Variants in BCO1 observed in about 807,000 individuals in gnomAD.
BCO1 encodes beta-carotene oxygenase 1, also known as beta,beta-carotene 15,15'-dioxygenase.
BCO1 carries 54 observed loss-of-function variants against 56.3 expected under a neutral mutation model. The observed-to-expected ratio is 0.96, with a 90% CI of 0.77 to 1.20. BCO1 has a LOEUF of 1.20. Ranked by LOEUF, BCO1 falls within the 50% of genes most tolerant of loss-of-function variation. BCO1 has a pLI of 0.00. For synonymous variants in BCO1, 318 were observed against 266.1 expected (o/e 1.20, Z -1.90); for missense variants, 801 against 690.9 (o/e 1.16, Z -1.79).
At chr16:81,244,673 G>C (rs1422089708) in intron 1 of BCO1, among the ~76,000 whole-genome samples, 6 of 147,886 alleles carry the variant, frequency 4.1e-5, no homozygotes. Flanking sequence ...GGGCTGTTCT[G>C]TTTCACAAAG....
chr16:81,274,861 C>A (rs1170655583), intron 7 of BCO1, among the ~76,000 whole-genome samples: 1 of 151,514 alleles, frequency 6.6e-6, no homozygotes, highest in Non-Finnish European at 1.5e-5. Context: ...CTGATCCCGC[C>A]ACTGCACTCC....
At chr16:81,283,059 C>A (rs1158218631) in intron 8 of BCO1, among the ~76,000 whole-genome samples, 1 of 152,166 alleles carries the variant, frequency 6.6e-6, no homozygotes, top group Admixed American at 6.6e-5. Context: ...GGTTCTGACC[C>A]CAGCAGTCTC....
chr16:81,253,866 G>A (rs1347849316), intron 2 of BCO1, among the ~76,000 whole-genome samples: 9 of 152,148 alleles, frequency 5.9e-5, no homozygotes, highest in African/African-American at 1.2e-4. Context: ...GGGAAACTGA[G>A]GTGGGAGGAT....
At chr16:81,243,074 G>A (rs1451626684) in intron 1 of BCO1, among the ~76,000 whole-genome samples, 2 of 152,296 alleles carry the variant, frequency 1.3e-5, no homozygotes, top group East Asian at 3.9e-4. Context: ...GTGCCTGCCA[G>A]GGGCTGGGGT....
rs77746469 is a variant in BCO1, at chr16:81,274,011, G to C, written c.1101+3595G>C. Among the ~76,000 whole-genome samples the C allele has an allele frequency of 4.4e-3, 670 of 152,260 alleles. 4 individuals are homozygous for C. Among genetic ancestry groups the C allele is most frequent in the African/African-American group, 0.016 (649 of 41,542 alleles). The stretch of plus-strand genomic sequence containing the variant: ...TGAAATCAGCACATGAGCCCTGGGC[G>C]CCTGCACCCCTTGCTCCAGAAGCAC... On this transcript the variant is annotated intron_variant, in intron 7 of 10. Transcript: ENST00000258168.
chr16:81,270,122 A>G (rs1907091506), intron 6 of BCO1, 37 bp from the exon 7 acceptor site: 2 of 1,613,176 alleles, frequency 1.2e-6, no homozygotes, highest in African/African-American at 2.7e-5. Flanking sequence ...AGGCTGAGAG[A>G]GGGTGAGCTG....
chr16:81,288,534 G>C (rs1210583850), intron 10 of BCO1, among the ~76,000 whole-genome samples: 6 of 152,130 alleles, frequency 3.9e-5, no homozygotes, highest in Non-Finnish European at 8.8e-5. Flanking sequence ...CAAAGTGCTG[G>C]GATTACAGGT....
intron 10 of BCO1, among the ~76,000 whole-genome samples, chr16:81,289,957 A>G (rs1908372455): frequency 6.6e-6 from 1 of 152,220 alleles, no homozygotes; most frequent in South Asian, 2.1e-4. Context: ...CTCCACTCCC[A>G]GGTTCAAGTA....
intron 7 of BCO1, among the ~76,000 whole-genome samples, chr16:81,271,192 G>A (rs1907194181): frequency 6.6e-6 from 1 of 151,786 alleles, no homozygotes; most frequent in South Asian, 2.1e-4. Flanking sequence ...TAAGCTCACT[G>A]CAACCTCTGC....
intron 2 of BCO1, among the ~76,000 whole-genome samples, chr16:81,251,516 C>T (rs1173881310): frequency 6.6e-6 from 1 of 152,026 alleles, no homozygotes; most frequent in Non-Finnish European, 1.5e-5. Flanking sequence ...GCCGAGATCA[C>T]ACCTCTGCAC....
intron 8 of BCO1, among the ~76,000 whole-genome samples, 159 bp downstream of exon 8, chr16:81,281,121 C>T (rs996795992): frequency 2.6e-5 from 4 of 152,134 alleles, no homozygotes; most frequent in African/African-American, 9.7e-5. Flanking sequence ...GGACATTTCT[C>T]TTTTCTCTAT....
At chr16:81,256,943 A>C (rs1428063512) in intron 2 of BCO1, among the ~76,000 whole-genome samples, 3 of 151,446 alleles carry the variant, frequency 2.0e-5, no homozygotes, top group African/African-American at 4.8e-5. Context: ...CCCTCAACCC[A>C]TTTCCCAATT....
intron 7 of BCO1, among the ~76,000 whole-genome samples, chr16:81,272,178 G>A (rs1294212068): frequency 7.0e-6 from 1 of 143,786 alleles, no homozygotes; most frequent in East Asian, 2.1e-4. Flanking sequence ...CAGTGGCGCA[G>A]TCTCAGCTCA....
intron 3 of BCO1, 118 bp from the exon 4 acceptor site, chr16:81,262,018 A>C: frequency 8.0e-7 from 1 of 1,256,464 alleles, no homozygotes; most frequent in East Asian, 2.3e-5. Context: ...CTGGGATTAC[A>C]GGCACCCGGC....
At chr16:81,267,011 A>T (rs1906872044) in intron 5 of BCO1, among the ~76,000 whole-genome samples, 1 of 152,178 alleles carries the variant, frequency 6.6e-6, no homozygotes, top group Non-Finnish European at 1.5e-5. Context: ...CTGGGTGGGG[A>T]GGCCTTTTGA....
Position 81,270,322 on chromosome 16 carries a change from A to G in BCO1, c.1007A>G (p.Tyr336Cys). The change falls in exon 7 of 11, where the codon TAC (tyrosine) becomes TGC (cysteine). Residue 336 changes from tyrosine (Y) to cysteine (C), a missense_variant. Coordinates refer to ENST00000258168, the MANE Select transcript of BCO1 (RefSeq NM_017429.3). ...YEDNSLYQLF[Y>C]LANLNQDFKE... ...GACAACAGCCTCTACCAGCTCTTCT[A>G]CCTGGCCAACCTGAACCAGGACTTC... The G allele has an allele frequency of 6.2e-7, 1 of 1,614,110 alleles. No homozygotes were observed. Among genetic ancestry groups the G allele is most frequent in the Non-Finnish European group, 8.5e-7 (1 of 1,180,030 alleles).
At chr16:81,250,688 C>G (rs1316866064) in intron 2 of BCO1, among the ~76,000 whole-genome samples, 1 of 144,686 alleles carries the variant, frequency 6.9e-6, no homozygotes, top group Non-Finnish European at 1.5e-5. Flanking sequence ...TCAAGCGATT[C>G]TCGTGCCTCG....
intron 5 of BCO1, among the ~76,000 whole-genome samples, chr16:81,266,461 C>G (rs1374818248): frequency 6.6e-6 from 1 of 152,108 alleles, no homozygotes; most frequent in East Asian, 1.9e-4. Context: ...CTTGCTGCTC[C>G]CCCATCCCCC....
chr16:81,254,693 A>G (rs1906021631), intron 2 of BCO1, among the ~76,000 whole-genome samples: 1 of 152,182 alleles, frequency 6.6e-6, no homozygotes, highest in African/African-American at 2.4e-5. Context: ...CCCCAAGGGC[A>G]AAACAAGTTG....
Sources: gnomAD v4.1 joint callset for allele counts (sites outside exome capture counted in the v4.1 genomes callset) on GRCh38, gnomAD v4.1.1 for gene constraint, MANE v1.5 for transcripts, NCBI Gene and HGNC (gene_info 2026-07-23, HGNC 2026-07-21) for gene names.